The following TPD52 variants were observed in gnomAD, a reference collection of about 807,000 sequenced individuals.
TPD52 encodes prostate and colon associated protein.
Under a neutral mutation model 31.3 loss-of-function variants are expected in TPD52, and 17 were observed. The observed-to-expected ratio is 0.54, with a 90% CI of 0.37 to 0.82. The LOEUF is 0.82. Ranked by LOEUF, TPD52 falls within the 40% of genes least tolerant of loss-of-function variation. The pLI is 0.00. For missense variants in TPD52, 212 were observed against 240.1 expected, an observed-to-expected ratio of 0.88 and a Z score of 0.77; for synonymous variants, 83 against 89.6, an observed-to-expected ratio of 0.93 and a Z score of 0.42.
chr8:80,168,779 A>T (rs973090679), intron 1 of TPD52, among the ~76,000 whole-genome samples: 9 of 152,214 alleles, frequency 5.9e-5, no homozygotes, highest in Non-Finnish European at 1.0e-4. Flanking sequence ...GGGAAAACAG[A>T]ACAGGAGAAA....
At chr8:80,073,870 G>A (rs1814214874) in intron 1 of TPD52, among the ~76,000 whole-genome samples, 1 of 152,116 alleles carries the variant, frequency 6.6e-6, no homozygotes, top group African/African-American at 2.4e-5. Context: ...TTTGGGGGCA[G>A]GTCACCTACC....
chr8:80,038,289 AT>A, intron 7 of TPD52, 54 bp from the exon 8 acceptor site: 1 of 1,589,788 alleles, frequency 6.3e-7, no homozygotes, highest in Non-Finnish European at 8.6e-7. Context: ...AAACTAGCTG[AT>A]TCTGCATAAA....
At chr8:80,062,217 T>A in intron 2 of TPD52, among the ~76,000 whole-genome samples, 1 of 152,228 alleles carries the variant, frequency 6.6e-6, no homozygotes, top group East Asian at 1.9e-4. Context: ...AGAAAAGACA[T>A]ATAGATGAAT....
At chr8:80,098,468 T>C (rs1806490178) in intron 1 of TPD52, among the ~76,000 whole-genome samples, 1 of 152,136 alleles carries the variant, frequency 6.6e-6, no homozygotes, top group Non-Finnish European at 1.5e-5. Flanking sequence ...CCAGCCTTCA[T>C]GGATTACTCT....
chr8:80,067,126 A>G (rs1011926191), intron 1 of TPD52: 1 of 152,208 alleles, frequency 6.6e-6, no homozygotes, highest in African/African-American at 2.4e-5. Context: ...CCCAATTCCA[A>G]AAAGAATCCA....
chr8:80,070,826 T>C (rs1183483319), intron 1 of TPD52, among the ~76,000 whole-genome samples: 2 of 152,202 alleles, frequency 1.3e-5, no homozygotes, highest in Non-Finnish European at 2.9e-5. Flanking sequence ...TTTAAAGATG[T>C]CTTCAATTTC....
chr8:80,050,516 TAAATCTAAAAC>T, intron 4 of TPD52, 45 bp from the exon 5 acceptor site: 1 of 1,567,592 alleles, frequency 6.4e-7, no homozygotes, highest in Non-Finnish European at 8.7e-7. Flanking sequence ...GAAGTTCTGA[TAAATCTAAAAC>T]AATTAAATAA....
intron 5 of TPD52, among the ~76,000 whole-genome samples, chr8:80,046,907 G>A (rs1243867806): frequency 6.6e-6 from 1 of 152,160 alleles, no homozygotes; most frequent in Non-Finnish European, 1.5e-5. Context: ...ATAATAATAA[G>A]AGAGGAGGGG....
chr8:80,161,533 T>C (rs1811359864), intron 1 of TPD52, among the ~76,000 whole-genome samples: 1 of 152,148 alleles, frequency 6.6e-6, no homozygotes, highest in African/African-American at 2.4e-5. Flanking sequence ...ACACTATTTC[T>C]AGCCAAGTAC....
chr8:80,146,579 G>C (rs181571991), intron 1 of TPD52, among the ~76,000 whole-genome samples: 1 of 152,054 alleles, frequency 6.6e-6, no homozygotes, highest in Admixed American at 6.6e-5. Context: ...AACAAAAAGT[G>C]CACATGTTCA....
chr8:80,124,856 C>T (rs912479655), intron 1 of TPD52, among the ~76,000 whole-genome samples: 1 of 152,232 alleles, frequency 6.6e-6, no homozygotes, highest in East Asian at 1.9e-4. Context: ...ATTTTAGGTT[C>T]TCAGCAAAAT....
At chr8:80,133,465 G>C (rs139314554) in intron 1 of TPD52, among the ~76,000 whole-genome samples, 1 of 152,218 alleles carries the variant, frequency 6.6e-6, no homozygotes, top group African/African-American at 2.4e-5. Flanking sequence ...TCCAAAACCA[G>C]ATATTCTTTC....
In TPD52 at chr8:80,035,496, T is replaced by C. The variant is rs1224156692; in HGVS notation, c.*2620A>G. On this transcript the variant is annotated 3_prime_UTR_variant, in exon 8 of 8. Coordinates refer to ENST00000518937, the MANE Select transcript of TPD52 (RefSeq NM_001025253.3). ...CTTTCCTCAATGGGCAGGTAATGTATACAAAAGAACCCATACCCAAATTAT... is the reference window on the plus strand; with the variant it reads ...CTTTCCTCAATGGGCAGGTAATGTACACAAAAGAACCCATACCCAAATTAT... 2 of 152,232 alleles carry C rather than the reference T, an allele frequency of 1.3e-5. No individual in the cohort carries two copies. 9.4% of individuals were successfully genotyped at this position (152,232 alleles called of 1,614,324 possible).
chr8:80,139,902 C>G (rs1809706662), intron 1 of TPD52, among the ~76,000 whole-genome samples: 1 of 152,160 alleles, frequency 6.6e-6, no homozygotes, highest in Admixed American at 6.5e-5. Context: ...TAGGGGACCC[C>G]ACCCGGCTCT....
chr8:80,060,052 A>G (rs68042249), intron 2 of TPD52, among the ~76,000 whole-genome samples: 47,357 of 148,990 alleles, frequency 0.32, 9,570 homozygotes, highest in East Asian at 0.7. Context: ...ACTGCACTCC[A>G]GCCACCTGGG....
intron 5 of TPD52, among the ~76,000 whole-genome samples, chr8:80,045,995 T>C (rs1810804597): frequency 6.6e-6 from 1 of 152,126 alleles, no homozygotes; most frequent in Non-Finnish European, 1.5e-5. Context: ...TGGAAACAGG[T>C]GGATAAGTAA....
downstream of TPD52, among the ~76,000 whole-genome samples, chr8:80,031,231 C>A (rs1809686088): frequency 6.6e-6 from 1 of 152,172 alleles, no homozygotes; most frequent in African/African-American, 2.4e-5. Flanking sequence ...ATCACAGACC[C>A]TATTTTAAGA....
chr8:80,142,879 C>T (rs1008832896), intron 1 of TPD52, among the ~76,000 whole-genome samples: 3 of 152,184 alleles, frequency 2.0e-5, no homozygotes, highest in Non-Finnish European at 2.9e-5. Flanking sequence ...GCTAGGACCT[C>T]GCACACACAT....
At chr8:80,054,846 CA>C (rs1563575949) in intron 2 of TPD52, among the ~76,000 whole-genome samples, 2 of 152,026 alleles carry the variant, frequency 1.3e-5, no homozygotes, top group African/African-American at 4.8e-5. Context: ...CTGTGCTTGT[CA>C]GAGTCACAAG....
Sources: gnomAD v4.1 joint callset for allele counts (sites outside exome capture counted in the v4.1 genomes callset) on GRCh38, gnomAD v4.1.1 for gene constraint, MANE v1.5 for transcripts, NCBI Gene and HGNC (gene_info 2026-07-23, HGNC 2026-07-21) for gene names.